The following CDH18 variants were observed in gnomAD, a reference collection of about 807,000 sequenced individuals.
The protein encoded by CDH18 is cadherin-18.
A neutral mutation model predicts 67.9 loss-of-function variants in CDH18; 31 were observed. That is an observed-to-expected ratio of 0.46 (90% CI 0.34 to 0.62). CDH18 has a LOEUF of 0.62. CDH18 is among the 20% of genes least tolerant of loss of function. The probability of loss-of-function intolerance (pLI) is 0.01; values close to 1 mark genes in which losing one functional copy is unlikely to be tolerated. For missense variants in CDH18, 890 were observed against 975.5 expected (o/e 0.91, Z 1.17); for synonymous variants, 362 against 347.2 (o/e 1.04, Z -0.48).
At chr5:19,663,536 A>G (rs1757481489) in intron 5 of CDH18, among the ~76,000 whole-genome samples, 1 of 151,942 alleles carries the variant, frequency 6.6e-6, no homozygotes, top group South Asian at 2.1e-4. Context: ...GAATTTTCCA[A>G]GTGAAAGTTG....
At chr5:20,148,945 T>C (rs780773307) in intron 2 of CDH18, among the ~76,000 whole-genome samples, 1 of 152,102 alleles carries the variant, frequency 6.6e-6, no homozygotes, top group Admixed American at 6.6e-5. Context: ...TTCACTCATA[T>C]TCCATATGCT....
At chr5:20,568,072 T>C (rs75038855) in intron 1 of CDH18, among the ~76,000 whole-genome samples, 1,819 of 152,310 alleles carry the variant, frequency 0.012, 34 homozygotes, top group African/African-American at 0.041. Flanking sequence ...GCTTTTTACC[T>C]CTAGAACCTC....
At chr5:20,276,593 T>C (rs1400813866) in intron 1 of CDH18, among the ~76,000 whole-genome samples, 1 of 152,154 alleles carries the variant, frequency 6.6e-6, no homozygotes, top group Non-Finnish European at 1.5e-5. Flanking sequence ...ACTCAGCACA[T>C]TCCTAGCAGT....
intron 2 of CDH18, among the ~76,000 whole-genome samples, chr5:20,092,674 G>T (rs1264149836): frequency 6.6e-6 from 1 of 152,014 alleles, no homozygotes; most frequent in Non-Finnish European, 1.5e-5. Flanking sequence ...AACCCTTTCT[G>T]ACAATTTTTA....
At chr5:20,290,836 G>T (rs575789160) in intron 1 of CDH18, among the ~76,000 whole-genome samples, 5 of 152,120 alleles carry the variant, frequency 3.3e-5, no homozygotes, top group Non-Finnish European at 7.4e-5. Context: ...GAACATTGTG[G>T]CATGGTATGT....
intron 2 of CDH18, among the ~76,000 whole-genome samples, chr5:20,090,913 G>C (rs1319727301): frequency 6.6e-6 from 1 of 151,696 alleles, no homozygotes; most frequent in Non-Finnish European, 1.5e-5. Flanking sequence ...GCCAGGTGTG[G>C]TGATGCATTC....
intron 1 of CDH18, among the ~76,000 whole-genome samples, chr5:20,427,594 A>C (rs1459785117): frequency 6.6e-6 from 1 of 151,156 alleles, no homozygotes; most frequent in Non-Finnish European, 1.5e-5. Flanking sequence ...TTTTTTGAGC[A>C]CTGATTTCAG....
chr5:19,848,434 T>A (rs1472046328), intron 2 of CDH18, among the ~76,000 whole-genome samples: 1 of 152,122 alleles, frequency 6.6e-6, no homozygotes, highest in Non-Finnish European at 1.5e-5. Context: ...TCACCTGATA[T>A]GGAGGAGGAG....
intron 9 of CDH18, among the ~76,000 whole-genome samples, chr5:19,541,731 G>A (rs546452621): frequency 5.3e-5 from 8 of 152,174 alleles, no homozygotes; most frequent in South Asian, 2.1e-4. Flanking sequence ...GGAAAGACCC[G>A]GCCTCATGAT....
chr5:19,749,477 A>G (rs1770549350), intron 3 of CDH18, among the ~76,000 whole-genome samples: 1 of 151,512 alleles, frequency 6.6e-6, no homozygotes, highest in Non-Finnish European at 1.5e-5. Context: ...ATACATATAT[A>G]TATACATGAA....
intron 7 of CDH18, among the ~76,000 whole-genome samples, chr5:19,588,388 A>G: frequency 6.6e-6 from 1 of 152,088 alleles, no homozygotes; most frequent in East Asian, 1.9e-4. Context: ...TCTGCCTTAC[A>G]AGAGCTTCTG....
chr5:19,965,955 T>G (rs1797395605), intron 2 of CDH18, among the ~76,000 whole-genome samples: 1 of 152,122 alleles, frequency 6.6e-6, no homozygotes, highest in South Asian at 2.1e-4. Context: ...TTGCTTTTCT[T>G]TTACTACAAT....
chr5:19,510,212 G>A (rs568098629), intron 10 of CDH18, among the ~76,000 whole-genome samples: 3 of 152,136 alleles, frequency 2.0e-5, no homozygotes, highest in South Asian at 4.2e-4. Context: ...AGGATGCATC[G>A]GATTTCTTCA....
chr5:20,055,755 G>C (rs1326882509), intron 2 of CDH18, among the ~76,000 whole-genome samples: 1 of 152,096 alleles, frequency 6.6e-6, no homozygotes, highest in East Asian at 1.9e-4. Context: ...TAGCATAGAG[G>C]ATTTTTTTGA....
At chr5:20,506,214 C>A (rs1754648554) in intron 1 of CDH18, among the ~76,000 whole-genome samples, 1 of 152,150 alleles carries the variant, frequency 6.6e-6, no homozygotes. Flanking sequence ...CCTCTTCGTA[C>A]CCTTGTATGA....
At chr5:19,983,703 C>T (rs1799286067) in intron 1 of CDH18, among the ~76,000 whole-genome samples, 1 of 152,124 alleles carries the variant, frequency 6.6e-6, no homozygotes, top group African/African-American at 2.4e-5. Flanking sequence ...GCTCCTCTTA[C>T]ACCTGCTCCT....
chr5:20,316,849 A>T (rs1346131796), intron 1 of CDH18, among the ~76,000 whole-genome samples: 1 of 152,060 alleles, frequency 6.6e-6, no homozygotes, highest in East Asian at 1.9e-4. Flanking sequence ...CCTTGAAAAG[A>T]CTATTAAGCA....
At chr5:20,377,925 T>C (rs1743593358) in intron 1 of CDH18, among the ~76,000 whole-genome samples, 1 of 112,630 alleles carries the variant, frequency 8.9e-6, no homozygotes, top group African/African-American at 5.3e-5. Flanking sequence ...CAATTATGAA[T>C]TTGCTCCTTT....
At chr5:19,667,349 T>A (rs902361763) in intron 5 of CDH18, among the ~76,000 whole-genome samples, 1 of 151,342 alleles carries the variant, frequency 6.6e-6, no homozygotes, top group Non-Finnish European at 1.5e-5. Flanking sequence ...TTTTATGTGG[T>A]AGTAAATAAA....
Sources: allele counts gnomAD v4.1 joint callset (sites outside exome capture counted in the v4.1 genomes callset), GRCh38; gene constraint gnomAD v4.1.1; transcripts MANE v1.5; gene names NCBI Gene and HGNC (gene_info 2026-07-23, HGNC 2026-07-21).